The following PITPNC1 variants were observed in gnomAD, a reference collection of about 807,000 sequenced individuals.
PITPNC1 encodes the protein cytoplasmic phosphatidylinositol transfer protein 1.
A neutral mutation model predicts 44.7 loss-of-function variants in PITPNC1; 18 were observed. The ratio of observed to expected loss-of-function variants is 0.40; its 90% CI spans 0.28 to 0.60. The LOEUF (loss-of-function observed/expected upper bound fraction) is 0.60. Ranked by LOEUF, PITPNC1 falls within the 20% of genes least tolerant of loss-of-function variation. The pLI is 0.39. For synonymous variants in PITPNC1, 141 were observed against 149.6 expected, an observed-to-expected ratio of 0.94 and a Z score of 0.42; for missense variants, 290 against 418.4, an observed-to-expected ratio of 0.69 and a Z score of 2.68.
In PITPNC1 at chr17:67,405,142, G is replaced by A. The variant is rs1168127868; in HGVS notation, c.48+26940G>A. Among the ~76,000 whole-genome samples, 3 of 152,238 alleles carry A rather than the reference G, an allele frequency of 2.0e-5. No homozygotes were observed. In the East Asian group the frequency reaches 5.8e-4, roughly 29 times the overall value. Reference sequence around the variant, plus strand: ...CACACCTGTAATCCCAGCTACTTGGGAGGCTGAGGCATGAGAATCACTTGA... The same window carrying A: ...CACACCTGTAATCCCAGCTACTTGGAAGGCTGAGGCATGAGAATCACTTGA... On this transcript the variant is annotated intron_variant, in intron 1 of 8. Transcript: ENST00000581322.
rs1358075692 is a variant in PITPNC1 at position 67,456,103 on chromosome 17, A to C, written c.49-76699A>C. Among the ~76,000 whole-genome samples, 6 of 152,352 alleles carry C rather than the reference A, an allele frequency of 3.9e-5. No individual in the cohort carries two copies. The South Asian group carries it at 1.2e-3, about 32-fold the overall frequency. Reference sequence around the variant, plus strand: ...TTTACAAGTGAGGAAACTGGCTCAAAAACTTTAAGTAACTTGTCTAATTCT... The same window carrying C: ...TTTACAAGTGAGGAAACTGGCTCAACAACTTTAAGTAACTTGTCTAATTCT... On this transcript the variant is annotated intron_variant, in intron 1 of 8. Transcript: ENST00000581322.
At chr17:67,587,937 T>G (rs1227030967) in intron 5 of PITPNC1, among the ~76,000 whole-genome samples, 2 of 152,208 alleles carry the variant, frequency 1.3e-5, no homozygotes, top group Non-Finnish European at 2.9e-5. Context: ...AGAGGGAATT[T>G]TAGCATTTCA....
At chr17:67,649,206 C>T (rs1409091938) in intron 6 of PITPNC1, among the ~76,000 whole-genome samples, 1 of 152,172 alleles carries the variant, frequency 6.6e-6, no homozygotes, top group Non-Finnish European at 1.5e-5. Context: ...CAGGCCCACC[C>T]TCAATGCTGC....
Position 67,622,128 on chromosome 17 carries a change from G to C in PITPNC1, c.367-10015G>C, listed in dbSNP as rs551983216. Among the ~76,000 whole-genome samples, 6 of 151,986 alleles carry C rather than the reference G, an allele frequency of 3.9e-5. No individual in the cohort carries two copies. The South Asian group carries it at 1.2e-3, about 32-fold the overall frequency. On this transcript the variant is annotated intron_variant, in intron 5 of 8. Transcript: ENST00000581322. ...AAAAATTAGCTGGGCGCGGTGGTGG[G>C]CGCCTGTAGTCCCAGCTACTCGGGA...
chr17:67,486,100 TCTG>T (rs2144035753), intron 1 of PITPNC1, among the ~76,000 whole-genome samples: 1 of 152,338 alleles, frequency 6.6e-6, no homozygotes, highest in East Asian at 1.9e-4. Flanking sequence ...AGCATTAAAT[TCTG>T]CTGCTAGAGG....
Position 67,676,830 on chromosome 17 carries a change from T to G in PITPNC1, c.682+1288T>G, listed in dbSNP as rs1366644851. On this transcript the variant is annotated intron_variant, in intron 8 of 8. Transcript: ENST00000581322. This position sits in a 1 kb window ranked among gnomAD's most constrained non-coding sequence, Gnocchi z 4.0. ...AAGCTATGGGCTTTTCTTTTTTTTT[T>G]CTTTTTTTCTTACCTCCTTTTGCAG... 6.6e-6 allele frequency among the ~76,000 whole-genome samples: 1 copy of G among 152,098 alleles called. No homozygotes were observed. The highest frequency in any genetic ancestry group is 1.9e-4 in the East Asian group (1 of 5,198).
chr17:67,624,178 T>C (rs903155684), intron 5 of PITPNC1, among the ~76,000 whole-genome samples: 2 of 151,876 alleles, frequency 1.3e-5, no homozygotes, highest in African/African-American at 4.8e-5. Context: ...GTAAGTCTTT[T>C]CCTTTAAGAT....
intron 6 of PITPNC1, among the ~76,000 whole-genome samples, chr17:67,635,073 G>A (rs1159757716): frequency 3.3e-5 from 5 of 151,660 alleles, no homozygotes; most frequent in Non-Finnish European, 7.4e-5. Flanking sequence ...ACAGAGACTC[G>A]GTCTCAAAAA....
intron 6 of PITPNC1, among the ~76,000 whole-genome samples, chr17:67,647,258 A>G (rs1371263683): frequency 2.6e-5 from 4 of 151,834 alleles, no homozygotes; most frequent in Non-Finnish European, 4.4e-5. Context: ...AAAACTAAAA[A>G]CTAGCCATCC....
intron 5 of PITPNC1, among the ~76,000 whole-genome samples, chr17:67,606,999 C>T (rs1336398885): frequency 1.3e-5 from 2 of 152,176 alleles, no homozygotes; most frequent in African/African-American, 2.4e-5. Flanking sequence ...CTCTCCTGTC[C>T]TTGGCTGGCC....
intron 1 of PITPNC1, among the ~76,000 whole-genome samples, chr17:67,478,722 G>A (rs1185692926): frequency 1.3e-5 from 2 of 152,032 alleles, no homozygotes; most frequent in Admixed American, 6.6e-5. Flanking sequence ...TTCCGCAAGC[G>A]TTGGGAGGTC....
chr17:67,661,544 T>C (rs2042347475), intron 6 of PITPNC1, among the ~76,000 whole-genome samples: 1 of 151,964 alleles, frequency 6.6e-6, no homozygotes, highest in South Asian at 2.1e-4. Context: ...TGATCTTCAG[T>C]GTAGGGTTGC....
At chr17:67,467,240 G>A (rs774638584) in intron 1 of PITPNC1, among the ~76,000 whole-genome samples, 2 of 151,798 alleles carry the variant, frequency 1.3e-5, no homozygotes, top group African/African-American at 2.4e-5. Context: ...TTTTAGTAGA[G>A]ATGGGGTTTC....
intron 1 of PITPNC1, among the ~76,000 whole-genome samples, chr17:67,509,562 AT>A (rs1385741645): frequency 2.0e-4 from 25 of 126,092 alleles, no homozygotes; most frequent in African/African-American, 8.3e-4. Flanking sequence ...TGAATTAAAA[AT>A]AAATAAATAA....
intron 1 of PITPNC1, among the ~76,000 whole-genome samples, chr17:67,517,524 A>G (rs1012718226): frequency 1.1e-4 from 16 of 152,248 alleles, no homozygotes; most frequent in African/African-American, 3.6e-4. Flanking sequence ...ATGTCCATCA[A>G]CTGATGAAGG....
chr17:67,537,650 C>A (rs2040547892), intron 2 of PITPNC1, among the ~76,000 whole-genome samples: 1 of 152,082 alleles, frequency 6.6e-6, no homozygotes, highest in Admixed American at 6.6e-5. Flanking sequence ...AAAAATCTAA[C>A]TTAAAATGCC....
intron 1 of PITPNC1, among the ~76,000 whole-genome samples, chr17:67,491,516 C>G (rs368316545): frequency 1.3e-5 from 2 of 152,162 alleles, no homozygotes; most frequent in African/African-American, 4.8e-5. Flanking sequence ...ACAGAGCACA[C>G]GCACGCTGAT....
chr17:67,592,964 G>T (rs542660888), intron 5 of PITPNC1, among the ~76,000 whole-genome samples: 1 of 152,286 alleles, frequency 6.6e-6, no homozygotes. Flanking sequence ...CTTGAGCCTG[G>T]GAGGTCAAAA....
chr17:67,501,145 A>G (rs2040023637), intron 1 of PITPNC1, among the ~76,000 whole-genome samples: 2 of 152,174 alleles, frequency 1.3e-5, no homozygotes, highest in Admixed American at 6.5e-5. Context: ...TCATATTATT[A>G]CTTTCTCTAT....
Sources: allele counts gnomAD v4.1 joint callset (sites outside exome capture counted in the v4.1 genomes callset), GRCh38; gene constraint gnomAD v4.1.1; non-coding constraint Gnocchi (gnomAD v3.1); transcripts MANE v1.5; gene names NCBI Gene and HGNC (gene_info 2026-07-23, HGNC 2026-07-21).